The following BACH1 variants were observed in gnomAD, a reference collection of about 807,000 sequenced individuals.
BACH1 encodes BTB domain and CNC homolog 1.
A neutral mutation model predicts 52.9 loss-of-function variants in BACH1; 35 were observed. That is an observed-to-expected ratio of 0.66 (90% confidence interval 0.51 to 0.88). The LOEUF (loss-of-function observed/expected upper bound fraction) is 0.88, where lower values mean the gene tolerates loss of function less well. Ranked by LOEUF, BACH1 falls within the 40% of genes least tolerant of loss-of-function variation. The probability of loss-of-function intolerance (pLI) is 0.00; values close to 1 mark genes in which losing one functional copy is unlikely to be tolerated. For synonymous variants in BACH1, 321 were observed against 319.6 expected (o/e 1.00, Z -0.05); for missense variants, 808 against 872.6 (o/e 0.93, Z 0.93).
chr21:29,304,828 A>T (rs943187398), intron 1 of BACH1, among the ~76,000 whole-genome samples: 4 of 152,202 alleles, frequency 2.6e-5, no homozygotes, highest in African/African-American at 4.8e-5. Flanking sequence ...TTATTGCCTT[A>T]TTCATTTTCT....
chr21:29,346,494 C>T (rs1003362149), downstream of BACH1, among the ~76,000 whole-genome samples: 3 of 152,182 alleles, frequency 2.0e-5, no homozygotes, highest in Non-Finnish European at 2.9e-5. Flanking sequence ...CTTTGGGCAG[C>T]TGCTCAGCGG....
At chr21:29,339,246 T>C (rs1438357449) in intron 4 of BACH1, among the ~76,000 whole-genome samples, 1 of 152,226 alleles carries the variant, frequency 6.6e-6, no homozygotes, top group Non-Finnish European at 1.5e-5. Context: ...GCAGTATATG[T>C]GTGTGTGTCT....
In BACH1 at chr21:29,300,465, A is replaced by G. The variant is rs1007973386; in HGVS notation, c.-61+1512A>G. Among the ~76,000 whole-genome samples the G allele has an allele frequency of 2.0e-5, 3 of 152,280 alleles. No homozygotes were observed. In the East Asian group the frequency reaches 5.8e-4, roughly 29 times the overall value. ...GACCCAGCTGGGGTTGTTTTGATAC[A>G]GGTTATCAGTGGGTGAAGTGGAAGA... is the stretch of plus-strand genomic sequence containing the variant. On this transcript the variant is annotated intron_variant, in intron 1 of 4. Coordinates refer to ENST00000286800, the MANE Select transcript of BACH1 (RefSeq NM_001186.4).
At chr21:29,317,304 A>G (rs2088798871) in intron 1 of BACH1, among the ~76,000 whole-genome samples, 1 of 152,366 alleles carries the variant, frequency 6.6e-6, no homozygotes, top group African/African-American at 2.4e-5. Flanking sequence ...TGTATTAAAA[A>G]TAAGAAATTA....
At chr21:29,336,732 C>T (rs988153841) in intron 4 of BACH1, among the ~76,000 whole-genome samples, 11 of 151,952 alleles carry the variant, frequency 7.2e-5, no homozygotes, top group East Asian at 1.9e-4. Context: ...AGTGCAGTGG[C>T]GTGATCTCAG....
chr21:29,326,149 T>C lies in BACH1; in HGVS notation c.325T>C (p.Cys109Arg). 4 of 1,614,202 alleles carry C rather than the reference T, an allele frequency of 2.5e-6. No individual in the cohort carries two copies. Among genetic ancestry groups the C allele is most frequent in the Non-Finnish European group, 3.4e-6 (4 of 1,180,030 alleles). The change falls in exon 3 of 5, where the codon TGT becomes CGT. Residue 109 changes from cysteine (C) to arginine (R), a missense_variant. Cys to Arg is a radical substitution (Grantham distance 180, BLOSUM62 -3). Transcript: ENST00000286800. Reference protein sequence around the residue: ...SKENVDEVCKCVEFLSVHNIE... With the variant: ...SKENVDEVCKRVEFLSVHNIE... ...AGAGAATGTGGATGAAGTGTGCAAA[T>C]GTGTGGAGTTTTTAAGTGTACATAA...
intron 2 of BACH1, among the ~76,000 whole-genome samples, chr21:29,355,306 A>T (rs766466213): frequency 1.7e-4 from 26 of 152,098 alleles, no homozygotes; most frequent in Non-Finnish European, 3.5e-4. Context: ...CTAGACACAG[A>T]GCGCTGATTG....
intron 1 of BACH1, among the ~76,000 whole-genome samples, chr21:29,307,489 G>A (rs1183290329): frequency 1.3e-5 from 2 of 152,082 alleles, no homozygotes; most frequent in African/African-American, 4.8e-5. Flanking sequence ...CCCACCCACT[G>A]TTTTACTTTC....
chr21:29,357,219 G>A (rs1049943396), intron 2 of BACH1, among the ~76,000 whole-genome samples: 5 of 152,208 alleles, frequency 3.3e-5, no homozygotes, highest in Non-Finnish European at 7.3e-5. Flanking sequence ...GGTCCCTGGG[G>A]GAAGAGGCTT....
chr21:29,351,117 T>C (rs1394679202), downstream of BACH1, among the ~76,000 whole-genome samples: 4 of 152,184 alleles, frequency 2.6e-5, no homozygotes, highest in Admixed American at 2.6e-4. Flanking sequence ...ACAGACACCA[T>C]TTTCATTCTG....
intron 4 of BACH1, among the ~76,000 whole-genome samples, chr21:29,330,980 C>T (rs1314987701): frequency 1.3e-5 from 2 of 149,746 alleles, no homozygotes; most frequent in Admixed American, 6.6e-5. Context: ...AAAACCCAAA[C>T]ACCGACATGA....
rs764486069 is a variant in BACH1, at chr21:29,326,737, G to C, written c.913G>C (p.Glu305Gln). ...PASQCPTEKS[E>Q]VTPFPHNSSI... ...TTCTCAGTGCCCAACTGAAAAATCA[G>C]AAGTGACTCCTTTCCCCCACAATTC... The change falls in exon 3 of 5, where the codon GAA (glutamate) becomes CAA (glutamine). Residue 305 changes from glutamate to glutamine, a missense_variant. Glu to Gln is a conservative substitution (Grantham distance 29). Coordinates refer to ENST00000286800, the MANE Select transcript of BACH1 (RefSeq NM_001186.4). The C allele has an allele frequency of 6.2e-7, 1 of 1,613,946 alleles. No homozygotes were observed. The highest frequency in any genetic ancestry group is 1.3e-5 in the African/African-American group (1 of 74,944).
intron 4 of BACH1, among the ~76,000 whole-genome samples, chr21:29,337,430 G>T (rs565208370): frequency 2.0e-5 from 3 of 152,198 alleles, no homozygotes; most frequent in Admixed American, 2.0e-4. Context: ...CTGAGTTTAT[G>T]TAGTATTTCC....
intron 1 of BACH1, among the ~76,000 whole-genome samples, chr21:29,304,880 A>T (rs2088638821): frequency 6.6e-6 from 1 of 152,256 alleles, no homozygotes; most frequent in Admixed American, 6.5e-5. Flanking sequence ...AAATTAGTGC[A>T]GTTGCTCATC....
chr21:29,351,505 T>A (rs2089201739), intron 2 of BACH1: 1 of 421,366 alleles, frequency 2.4e-6, no homozygotes, highest in African/African-American at 2.1e-5. Flanking sequence ...ACCTTAAGAA[T>A]AAGATTTTCT....
intron 4 of BACH1, among the ~76,000 whole-genome samples, chr21:29,341,813 C>T (rs2123475214): frequency 6.6e-6 from 1 of 152,296 alleles, no homozygotes; most frequent in African/African-American, 2.4e-5. Context: ...ACATTTAGCA[C>T]AATATCTGTC....
At chr21:29,321,563 T>C (rs1403855086) in intron 2 of BACH1, 49 bp downstream of exon 2, 2 of 1,524,040 alleles carry the variant, frequency 1.3e-6, no homozygotes, top group Admixed American at 3.7e-5. Flanking sequence ...TACTTAAGTT[T>C]TTTATGGTTC....
At chr21:29,328,219 A>G (rs2088937777) in intron 3 of BACH1, among the ~76,000 whole-genome samples, 1 of 152,168 alleles carries the variant, frequency 6.6e-6, no homozygotes, top group South Asian at 2.1e-4. Flanking sequence ...CATTTCAACT[A>G]TTGATGAATG....
At chr21:29,348,881 T>C (rs2089186414), downstream of BACH1, among the ~76,000 whole-genome samples, 1 of 151,762 alleles carries the variant, frequency 6.6e-6, no homozygotes, top group Non-Finnish European at 1.5e-5. Context: ...GATCACGAGG[T>C]CAGGAGATTG....
Sources: allele counts gnomAD v4.1 joint callset (sites outside exome capture counted in the v4.1 genomes callset), GRCh38; gene constraint gnomAD v4.1.1; transcripts MANE v1.5; gene names NCBI Gene and HGNC (gene_info 2026-07-23, HGNC 2026-07-21).